ABCB11: variants seen among roughly 807,000 people sequenced by gnomAD.
The protein encoded by ABCB11 is bile salt export pump.
Under a neutral mutation model 148.0 loss-of-function variants are expected in ABCB11, and 95 were observed. The ratio of observed to expected loss-of-function variants is 0.64; its 90% CI spans 0.54 to 0.76. The LOEUF is 0.76. ABCB11 is among the 30% of genes least tolerant of loss of function. The pLI is 0.00. For synonymous variants in ABCB11, 591 were observed against 555.4 expected (o/e 1.06, Z -0.90); for missense variants, 1,523 against 1,617.8 (o/e 0.94, Z 1.01).
chr2:168,934,100 AAAATTATTCT>A (rs759000222), intron 23 of ABCB11, among the ~76,000 whole-genome samples: 1 of 148,376 alleles, frequency 6.7e-6, no homozygotes, highest in Non-Finnish European at 1.5e-5. Flanking sequence ...AAATTATTCT[AAAATTATTCT>A]AAATTATTCT....
At position 168,955,943 on chromosome 2, in the gene ABCB11, A is replaced by C. The variant is rs185717481; in HGVS notation, c.2343+2021T>G. Among the ~76,000 whole-genome samples the C allele has an allele frequency of 3.6e-3, 553 of 151,782 alleles. 7 individuals are homozygous for C. Among genetic ancestry groups the C allele is most frequent in the African/African-American group, 0.013 (520 of 41,474 alleles). The stretch of plus-strand genomic sequence containing the variant: ...CAAAACCCAGCATGGCAGTCGTTAA[A>C]TCTTAAAGCTCCAAAATAATCTTTT... On this transcript the variant is annotated intron_variant, in intron 19 of 27. Transcript: ENST00000650372.
downstream of ABCB11, among the ~76,000 whole-genome samples, chr2:168,920,212 C>G (rs182923350): frequency 9.2e-5 from 14 of 152,196 alleles, no homozygotes; most frequent in Admixed American, 9.2e-4. Context: ...ATTCCTCCTT[C>G]TCTCCTGGAA....
At chr2:169,018,214 T>C in intron 1 of ABCB11, 62 bp from the exon 2 acceptor site, 1 of 1,447,840 alleles carries the variant, frequency 6.9e-7, no homozygotes, top group Non-Finnish European at 9.6e-7. Context: ...TTAATCAAAG[T>C]AGCCAAACGA....
In ABCB11 at chr2:168,995,408, T is replaced by C. The variant is rs752623747; in HGVS notation, c.552A>G (p.Arg184=). 3.5e-5 allele frequency: 57 copies of C among 1,612,312 alleles called. No homozygotes were observed. The highest frequency in any genetic ancestry group is 4.7e-5 in the Non-Finnish European group (55 of 1,179,012). ...MRKFYFRRIM[R]MEIGWFDCNS... Reference sequence around the variant, plus strand: ...TGCAGTCAAACCACCCTATTTCCATTCTCATTATTCTCCTAAAGTAAAATT... The same window carrying C: ...TGCAGTCAAACCACCCTATTTCCATCCTCATTATTCTCCTAAAGTAAAATT... The change falls in exon 7 of 28, where the codon AGA becomes AGG. Residue 184 remains arginine, a synonymous_variant. Transcript: ENST00000650372.
At chr2:168,924,873 C>T in intron 26 of ABCB11, 70 bp from the exon 27 acceptor site, 1 of 1,302,430 alleles carries the variant, frequency 7.7e-7, no homozygotes, top group Non-Finnish European at 1.1e-6. Context: ...GAACTCATGT[C>T]AAGGTCTCCT....
At chr2:168,938,734 AG>A (rs1484067044) in intron 21 of ABCB11, among the ~76,000 whole-genome samples, 1 of 152,176 alleles carries the variant, frequency 6.6e-6, no homozygotes, top group Non-Finnish European at 1.5e-5. Context: ...TTGGTTGGCA[AG>A]GACTGTCAGG....
intron 21 of ABCB11, among the ~76,000 whole-genome samples, chr2:168,942,340 G>T (rs13407637): frequency 6.6e-6 from 1 of 151,572 alleles, no homozygotes; most frequent in Non-Finnish European, 1.5e-5. Flanking sequence ...AATTTCACCA[G>T]AATAAAAATA....
rs1693600554 is a variant in ABCB11, at chr2:168,971,999, C to A, written c.1486G>T (p.Asp496Tyr). 3 of 1,612,944 alleles carry A rather than the reference C, an allele frequency of 1.9e-6. No individual in the cohort carries two copies. The highest frequency in any genetic ancestry group is 2.5e-6 in the Non-Finnish European group (3 of 1,179,362). Reference protein sequence around the residue: ...IRSLNIQWLRDQIGIVEQEPV... With the variant: ...IRSLNIQWLRYQIGIVEQEPV... ...TCTTGCTCCACTATCCCAATCTGAT[C>A]TCTAAGCCACTGAATGTTAAGAGAG... Residue 496 changes from aspartate (D) to tyrosine (Y), a missense_variant, in exon 14 of 28, where the codon GAT becomes TAT. By Grantham distance (160) the Asp-to-Tyr change is radical (BLOSUM62 -3). Transcript: ENST00000650372.
chr2:168,981,571 A>T (rs1157067913), intron 10 of ABCB11, among the ~76,000 whole-genome samples: 2 of 152,172 alleles, frequency 1.3e-5, no homozygotes, highest in Non-Finnish European at 2.9e-5. Flanking sequence ...TGATGCTGAC[A>T]GTGAAGAAAG....
chr2:168,943,797 T>C (rs986117428), intron 21 of ABCB11, among the ~76,000 whole-genome samples: 2 of 151,918 alleles, frequency 1.3e-5, no homozygotes, highest in African/African-American at 2.4e-5. Context: ...AGTGAGTTTT[T>C]TCTTCTAAGA....
intron 17 of ABCB11, among the ~76,000 whole-genome samples, chr2:168,965,857 A>G (rs1574441867): frequency 6.6e-6 from 1 of 151,818 alleles, no homozygotes; most frequent in African/African-American, 2.4e-5. Flanking sequence ...GAAGGCAGTA[A>G]TGTATCAACT....
chr2:168,961,597 A>G (rs1693079272), intron 18 of ABCB11, among the ~76,000 whole-genome samples: 1 of 151,740 alleles, frequency 6.6e-6, no homozygotes, highest in South Asian at 2.1e-4. Context: ...AATATTAGAG[A>G]CTAAAACCTT....
intron 5 of ABCB11, among the ~76,000 whole-genome samples, chr2:169,005,497 C>A (rs1192147671): frequency 6.6e-6 from 1 of 152,074 alleles, no homozygotes; most frequent in Non-Finnish European, 1.5e-5. Flanking sequence ...CAGTTACAGG[C>A]CTTAACCTGC....
At chr2:168,979,106 A>T (rs1309545464) in intron 11 of ABCB11, among the ~76,000 whole-genome samples, 1 of 152,148 alleles carries the variant, frequency 6.6e-6, no homozygotes, top group Non-Finnish European at 1.5e-5. Context: ...TATTTAGAAG[A>T]TAAGCGAATT....
At chr2:168,958,630 G>C (rs888443878) in intron 18 of ABCB11, among the ~76,000 whole-genome samples, 11 of 143,996 alleles carry the variant, frequency 7.6e-5, no homozygotes, top group Non-Finnish European at 1.7e-4. Context: ...AGTTATCATT[G>C]AGATGTTTTC....
chr2:168,978,602 G>C (rs773013296), intron 11 of ABCB11, among the ~76,000 whole-genome samples: 5 of 152,048 alleles, frequency 3.3e-5, no homozygotes, highest in African/African-American at 4.8e-5. Flanking sequence ...ACAGGTTCAG[G>C]GAGCCCGCAA....
intron 14 of ABCB11, chr2:168,970,609 T>C (rs749088055): frequency 4.7e-4 from 151 of 320,498 alleles, no homozygotes; most frequent in Non-Finnish European, 7.7e-4. Context: ...AGGCTGTTTT[T>C]ACATTATGAA....
intron 8 of ABCB11, among the ~76,000 whole-genome samples, chr2:168,991,268 G>T (rs145809492): frequency 6.6e-6 from 1 of 152,194 alleles, no homozygotes; most frequent in East Asian, 1.9e-4. Context: ...TTAGCCAATG[G>T]CCATTGCATA....
intron 18 of ABCB11, among the ~76,000 whole-genome samples, chr2:168,961,504 T>C (rs1693074761): frequency 6.6e-6 from 1 of 151,730 alleles, no homozygotes; most frequent in East Asian, 1.9e-4. Flanking sequence ...TGTGATGCAG[T>C]TATGGGTGTC....
Sources: allele counts gnomAD v4.1 joint callset (sites outside exome capture counted in the v4.1 genomes callset), GRCh38; gene constraint gnomAD v4.1.1; transcripts MANE v1.5; gene names NCBI Gene and HGNC (gene_info 2026-07-23, HGNC 2026-07-21).